SSR1: variants seen among roughly 807,000 people sequenced by gnomAD.
SSR1 encodes the protein signal sequence receptor subunit 1, also known as translocon-associated protein subunit alpha.
In SSR1, 13 loss-of-function variants were observed where a neutral mutation model predicts 36.1. That is an observed-to-expected ratio of 0.36 (90% confidence interval 0.23 to 0.57). The LOEUF (loss-of-function observed/expected upper bound fraction) is 0.57, where lower values mean the gene tolerates loss of function less well. Ranked by LOEUF, SSR1 falls within the 20% of genes least tolerant of loss-of-function variation. The pLI is 0.81. For synonymous variants in SSR1, 113 were observed against 118.9 expected (o/e 0.95, Z 0.32); for missense variants, 291 against 338.5 (o/e 0.86, Z 1.10).
chr6:7,306,008 G>A (rs190846427), intron 2 of SSR1, among the ~76,000 whole-genome samples: 13 of 152,340 alleles, frequency 8.5e-5, no homozygotes, highest in African/African-American at 3.1e-4. Context: ...TATAGAAACT[G>A]GTGGTACTGC....
At chr6:7,290,422 AT>A (rs1366448211) in intron 7 of SSR1, among the ~76,000 whole-genome samples, 6 of 150,792 alleles carry the variant, frequency 4.0e-5, no homozygotes, top group African/African-American at 1.5e-4. Flanking sequence ...TGTTTGTTAG[AT>A]TCTCAGTAGG....
rs2274210 is a variant in SSR1, at chr6:7,313,173, C to T, written c.-53G>A. 4 of 1,516,694 alleles carry T rather than the reference C, an allele frequency of 2.6e-6. No homozygotes were observed. The highest frequency in any genetic ancestry group is 8.9e-7 in the Non-Finnish European group (1 of 1,119,898). 94.0% of individuals were successfully genotyped at this position (1,516,694 alleles called of 1,614,324 possible). ...CGTCGGCTAAGGCTCTCGGCGGCTC[C>T]GGCGGTAATGGCGTTACTCTTCATC... On this transcript the variant is annotated 5_prime_UTR_variant, in exon 1 of 8. Coordinates refer to ENST00000244763, the MANE Select transcript of SSR1 (RefSeq NM_003144.5).
intron 7 of SSR1, among the ~76,000 whole-genome samples, chr6:7,293,861 A>G (rs868319746): frequency 6.6e-6 from 1 of 152,226 alleles, no homozygotes; most frequent in Admixed American, 6.5e-5. Flanking sequence ...GAATATGTAT[A>G]AAGGAGCTGA....
rs770114375 is a variant in SSR1 at position 7,289,817 on chromosome 6, T to C, written c.*47A>G. On this transcript the variant is annotated 3_prime_UTR_variant, in exon 8 of 8. Transcript: ENST00000244763. ...CACTAATTCCCATCAGGCCGAAAAA[T>C]ATTAGGGCAGGTTAAGTAAAGACCG... 2 of 1,540,222 alleles carry C rather than the reference T, an allele frequency of 1.3e-6. No homozygotes were observed. The highest frequency in any genetic ancestry group is 1.7e-6 in the Non-Finnish European group (2 of 1,145,634).
chr6:7,306,089 T>G (rs1046951746), intron 2 of SSR1, among the ~76,000 whole-genome samples: 1 of 152,230 alleles, frequency 6.6e-6, no homozygotes, highest in African/African-American at 2.4e-5. Flanking sequence ...ATTCTGTACC[T>G]TGTAAGTTCT....
At chr6:7,311,853 AATAGTT>A (rs1414955601) in intron 1 of SSR1, among the ~76,000 whole-genome samples, 4 of 152,234 alleles carry the variant, frequency 2.6e-5, no homozygotes, top group Non-Finnish European at 5.9e-5. Context: ...ATAACTTGAA[AATAGTT>A]ATAAATAGTT....
chr6:7,306,473 T>C (rs996878914), intron 2 of SSR1, among the ~76,000 whole-genome samples: 5 of 152,104 alleles, frequency 3.3e-5, no homozygotes, highest in African/African-American at 1.2e-4. Context: ...GTTAGTGTTA[T>C]TACTACTACA....
intron 7 of SSR1, among the ~76,000 whole-genome samples, chr6:7,294,690 CAAATAAATAAAT>C (rs60987991): frequency 8.0e-5 from 12 of 150,486 alleles, no homozygotes; most frequent in South Asian, 2.1e-4. Context: ...GATTCCATCT[CAAATAAATAAAT>C]AAATAAATAA....
rs191372283 is a variant in SSR1, at chr6:7,313,130, G to A, written c.-10C>T. On this transcript the variant is annotated 5_prime_UTR_variant, in exon 1 of 8. Coordinates refer to ENST00000244763, the MANE Select transcript of SSR1 (RefSeq NM_003144.5). ...GGGGGAGGAGTCTCATGGCGCTGCCGGTCCAGTGTCCAGTTTCCGTCGGCT... is the reference window on the plus strand; with the variant it reads ...GGGGGAGGAGTCTCATGGCGCTGCCAGTCCAGTGTCCAGTTTCCGTCGGCT... 2,158 of 1,599,996 alleles carry A rather than the reference G, an allele frequency of 1.3e-3. 60 individuals carry two copies. The Admixed American group carries it at 0.033, about 25-fold the overall frequency.
chr6:7,311,226 G>A (rs974918919), intron 1 of SSR1, among the ~76,000 whole-genome samples: 3 of 152,172 alleles, frequency 2.0e-5, no homozygotes, highest in Non-Finnish European at 2.9e-5. Context: ...CAAAAAAAAG[G>A]TGAATCACAG....
At chr6:7,304,910 C>T (rs1162108541) in intron 2 of SSR1, among the ~76,000 whole-genome samples, 2 of 152,218 alleles carry the variant, frequency 1.3e-5, no homozygotes, top group Non-Finnish European at 2.9e-5. Flanking sequence ...CACCATCCAG[C>T]TCATGCACTT....
In SSR1 at chr6:7,288,750, G is replaced by A. The variant is rs1757612557; in HGVS notation, c.*1114C>T. 2 of 152,508 alleles carry A rather than the reference G, an allele frequency of 1.3e-5. No homozygotes were observed. Among genetic ancestry groups the A allele is most frequent in the African/African-American group, 4.8e-5 (2 of 41,408 alleles). 9.4% of individuals were successfully genotyped at this position (152,508 alleles called of 1,614,324 possible). On this transcript the variant is annotated 3_prime_UTR_variant, in exon 8 of 8. Coordinates refer to ENST00000244763, the MANE Select transcript of SSR1 (RefSeq NM_003144.5). Reference sequence around the variant, plus strand: ...TAGGGCAAGAGTAACTCTATAAGAGGATTTTATGAAGTACAATTTAATTTT... The same window carrying A: ...TAGGGCAAGAGTAACTCTATAAGAGAATTTTATGAAGTACAATTTAATTTT...
In SSR1 at chr6:7,313,080, A is replaced by G. The variant is rs780023931; in HGVS notation, c.41T>C (p.Val14Ala). Residue 14 changes from valine to alanine, a missense_variant, in exon 1 of 8, where the codon GTG (valine) becomes GCG (alanine). Val to Ala is a moderately conservative substitution (Grantham distance 64). Transcript: ENST00000244763. ...LPRLLLLLLLVFPATVLFRGG... is the reference protein window; with the variant it reads ...LPRLLLLLLLAFPATVLFRGG... The stretch of plus-strand genomic sequence containing the variant: ...TCGGAACAAGACAGTGGCAGGGAAC[A>G]CGAGTAAGAGAAGCAGCAGCAAGCG... 7.5e-6 allele frequency: 12 copies of G among 1,608,830 alleles called. No homozygotes were observed. In the South Asian group the frequency reaches 1.2e-4, roughly 16 times the overall value.
At chr6:7,304,524 G>A (rs949099111) in intron 2 of SSR1, among the ~76,000 whole-genome samples, 1 of 146,804 alleles carries the variant, frequency 6.8e-6, no homozygotes, top group African/African-American at 2.7e-5. Context: ...AAAAAAAAAA[G>A]AGTGTGACCA....
At chr6:7,290,794 T>C (rs1006563123) in intron 7 of SSR1, among the ~76,000 whole-genome samples, 35 of 152,192 alleles carry the variant, frequency 2.3e-4, no homozygotes, top group African/African-American at 8.2e-4. Context: ...GGCTTATCTG[T>C]AAGCATTTCA....
chr6:7,296,271 CG>C (rs1386424157), intron 6 of SSR1, among the ~76,000 whole-genome samples: 1 of 151,584 alleles, frequency 6.6e-6, no homozygotes, highest in Admixed American at 6.6e-5. Context: ...TTATATAATC[CG>C]TAAGTTAGAA....
chr6:7,296,591 A>C (rs565042046), intron 6 of SSR1, among the ~76,000 whole-genome samples: 2 of 152,288 alleles, frequency 1.3e-5, no homozygotes, highest in Non-Finnish European at 2.9e-5. Context: ...ATTTGATAAA[A>C]TTGTTTATAT....
chr6:7,298,693 C>T, intron 5 of SSR1, 54 bp downstream of exon 5: 2 of 1,349,530 alleles, frequency 1.5e-6, no homozygotes, highest in Admixed American at 1.7e-5. Context: ...AGCAAGCTTT[C>T]CAGTCTTACT....
intron 7 of SSR1, among the ~76,000 whole-genome samples, chr6:7,290,141 A>C (rs1390431648): frequency 6.6e-6 from 1 of 152,238 alleles, no homozygotes; most frequent in East Asian, 1.9e-4. Context: ...ATTAAAATGA[A>C]AGTGTTTTGC....
Sources: gnomAD v4.1 joint callset for allele counts (sites outside exome capture counted in the v4.1 genomes callset) on GRCh38, gnomAD v4.1.1 for gene constraint, MANE v1.5 for transcripts, NCBI Gene and HGNC (gene_info 2026-07-23, HGNC 2026-07-21) for gene names.